The following VIRMA variants were observed in gnomAD, a reference collection of about 807,000 sequenced individuals.
VIRMA encodes protein virilizer homolog.
Under a neutral mutation model 182.4 loss-of-function variants are expected in VIRMA, and 65 were observed. The ratio of observed to expected loss-of-function variants is 0.36; its 90% CI spans 0.29 to 0.44. The LOEUF (loss-of-function observed/expected upper bound fraction) is 0.44, where lower values mean the gene tolerates loss of function less well. VIRMA is among the 20% of genes least tolerant of loss of function. The pLI, the probability that VIRMA is intolerant of heterozygous loss-of-function variation, is 1.00. For synonymous variants in VIRMA, 709 were observed against 743.1 expected, an observed-to-expected ratio of 0.95 and a Z score of 0.75; for missense variants, 1,752 against 2,158.1, an observed-to-expected ratio of 0.81 and a Z score of 3.73.
rs1814294613 is a variant in VIRMA, at chr8:94,509,694, A to T, written c.3873T>A (p.Cys1291Ter). 1 of 1,612,098 alleles carries T rather than the reference A, an allele frequency of 6.2e-7. No homozygotes were observed. Among genetic ancestry groups the T allele is most frequent in the Admixed American group, 1.7e-5 (1 of 59,552 alleles). Residue 1291 changes from cysteine to a stop codon, truncating the protein, a stop_gained, in exon 15 of 24, where the codon TGT (cysteine) becomes TGA (stop). Transcript: ENST00000297591. LOFTEE classifies it high-confidence loss of function. ...EYVTSILQSL[C>*]DQDIALILPS... Reference sequence around the variant, plus strand: ...ATAAAATAACTATAAATACCTGATCACAGAGAGACTGCAAAATGGATGTGA... The same window carrying T: ...ATAAAATAACTATAAATACCTGATCTCAGAGAGACTGCAAAATGGATGTGA...
At chr8:94,539,332 A>G (rs1269176143) in intron 2 of VIRMA, among the ~76,000 whole-genome samples, 1 of 152,208 alleles carries the variant, frequency 6.6e-6, no homozygotes, top group Non-Finnish European at 1.5e-5. Context: ...AAGCCAATTG[A>G]TATTTGTACA....
At chr8:94,502,560 G>A (rs1040926044) in intron 16 of VIRMA, among the ~76,000 whole-genome samples, 2 of 151,972 alleles carry the variant, frequency 1.3e-5, no homozygotes, top group African/African-American at 2.4e-5. Flanking sequence ...GGACACATAC[G>A]TATATTTCCC....
intron 3 of VIRMA, among the ~76,000 whole-genome samples, 198 bp from the exon 4 acceptor site, chr8:94,537,349 T>C (rs1184505762): frequency 6.6e-6 from 1 of 152,312 alleles, no homozygotes; most frequent in East Asian, 1.9e-4. Context: ...TCTGGATTAA[T>C]TGCTTTGGGG....
At position 94,529,140 on chromosome 8, in the gene VIRMA, T is replaced by A. The variant is rs143262478; in HGVS notation, c.810A>T (p.Thr270=). ...EEDEDEDDRR[T]VDSIPEEEEE... is the part of the protein sequence containing the mutation. ...CTTCCTCCTCAGGAATACTGTCTACTGTTCGTCGATCATCCTCATCCTCAT... is the reference window on the plus strand; with the variant it reads ...CTTCCTCCTCAGGAATACTGTCTACAGTTCGTCGATCATCCTCATCCTCAT... The change falls in exon 7 of 24, where the codon ACA becomes ACT. Residue 270 remains threonine, a synonymous_variant. Coordinates refer to ENST00000297591, the MANE Select transcript of VIRMA (RefSeq NM_015496.5). 3.7e-5 allele frequency: 53 copies of A among 1,451,482 alleles called. No homozygotes were observed. In the African/African-American group the frequency reaches 7.3e-4, roughly 20 times the overall value. The allele number at this position is 1,451,482 out of a possible 1,614,324, so 89.9% of individuals were successfully genotyped here. A position where few individuals can be genotyped will look rare whatever the true frequency, so the allele number is the denominator to read the frequency against.
intron 8 of VIRMA, among the ~76,000 whole-genome samples, chr8:94,525,141 G>C (rs1814912192): frequency 6.6e-6 from 1 of 152,198 alleles, no homozygotes; most frequent in Admixed American, 6.5e-5. Flanking sequence ...AGGGTGCTCG[G>C]ACCACAAGCA....
In VIRMA at chr8:94,529,101, CTCTTCA is replaced by C. The variant is rs1376024542; in HGVS notation, c.843_848del (p.Asp281_Glu282del). On this transcript the variant is annotated inframe_deletion, in exon 7 of 24. Coordinates refer to ENST00000297591, the MANE Select transcript of VIRMA (RefSeq NM_015496.5). ...CTTCTTCATCCTCTTCACCTTCTTC[CTCTTCA>C]TCTTCCTCTTCCTCCTCAGGAATAC... 4 of 1,567,784 alleles carry C rather than the reference CTCTTCA, an allele frequency of 2.6e-6. No individual in the cohort carries two copies. In the African/African-American group the frequency reaches 5.4e-5, roughly 21 times the overall value.
chr8:94,542,354 G>A (rs766446982), intron 2 of VIRMA, among the ~76,000 whole-genome samples: 3 of 152,118 alleles, frequency 2.0e-5, no homozygotes, highest in Non-Finnish European at 2.9e-5. Flanking sequence ...GCAAAGAAGT[G>A]AAGCCTCCTG....
chr8:94,544,359 A>G (rs1355201829), intron 1 of VIRMA, among the ~76,000 whole-genome samples: 1 of 152,140 alleles, frequency 6.6e-6, no homozygotes, highest in Non-Finnish European at 1.5e-5. Flanking sequence ...CTGCAGCCAC[A>G]CGTATCAACA....
rs1483987242 is a variant in VIRMA at position 94,546,472 on chromosome 8, T to C, written c.64-2530A>G. On this transcript the variant is annotated intron_variant, in intron 1 of 23. Transcript: ENST00000297591. ...TTAAAGCTCTCCTCCATTCCGGCTGTCACTCCTTTAGTTCCATATACTACA... is the reference window on the plus strand; with the variant it reads ...TTAAAGCTCTCCTCCATTCCGGCTGCCACTCCTTTAGTTCCATATACTACA... 2.0e-5 allele frequency among the ~76,000 whole-genome samples: 3 copies of C among 151,248 alleles called. 1 individual carries two copies. The highest frequency in any genetic ancestry group is 6.6e-5 in the Admixed American group (1 of 15,254).
intron 8 of VIRMA, among the ~76,000 whole-genome samples, chr8:94,524,653 C>T (rs1049380753): frequency 2.6e-5 from 4 of 152,172 alleles, no homozygotes; most frequent in African/African-American, 9.7e-5. Flanking sequence ...GTTGGCCAGG[C>T]TGGTCTCAAA....
chr8:94,513,927 G>T (rs1465265032), intron 11 of VIRMA, among the ~76,000 whole-genome samples: 1 of 152,178 alleles, frequency 6.6e-6, no homozygotes, highest in East Asian at 1.9e-4. Flanking sequence ...AGTACAAGAA[G>T]ACAAAGGCAG....
chr8:94,505,410 T>A (rs1301126082), intron 16 of VIRMA, among the ~76,000 whole-genome samples: 1 of 152,106 alleles, frequency 6.6e-6, no homozygotes, highest in Admixed American at 6.6e-5. Flanking sequence ...CATCAGGGCA[T>A]CGGCAGAAAA....
At chr8:94,515,873 GGATCACGA>G (rs796476610) in intron 10 of VIRMA, among the ~76,000 whole-genome samples, 32 of 151,908 alleles carry the variant, frequency 2.1e-4, no homozygotes, top group African/African-American at 7.0e-4. Flanking sequence ...TGAGGCGGGT[GGATCACGA>G]GATCGACAGA....
At chr8:94,527,506 C>T (rs557039286) in intron 7 of VIRMA, 143 bp from the exon 8 acceptor site, 69 of 545,978 alleles carry the variant, frequency 1.3e-4, no homozygotes, top group Admixed American at 7.3e-5. Flanking sequence ...ATCTTACCCA[C>T]AATTTTACAA....
At chr8:94,529,512 T>C (rs1421256567) in intron 6 of VIRMA, among the ~76,000 whole-genome samples, 170 bp from the exon 7 acceptor site, 3 of 152,208 alleles carry the variant, frequency 2.0e-5, no homozygotes, top group African/African-American at 7.2e-5. Flanking sequence ...ACTGTACAAC[T>C]TCTACAGTGA....
At chr8:94,528,875 A>G (rs1194068463) in intron 7 of VIRMA, among the ~76,000 whole-genome samples, 195 bp downstream of exon 7, 1 of 152,244 alleles carries the variant, frequency 6.6e-6, no homozygotes, top group Non-Finnish European at 1.5e-5. Flanking sequence ...TAAACAGGGG[A>G]GATTAAAGTA....
intron 20 of VIRMA, 134 bp from the exon 21 acceptor site, chr8:94,492,952 T>G: frequency 1.3e-6 from 1 of 755,424 alleles, no homozygotes; most frequent in South Asian, 2.2e-5. Context: ...ACCTCTTTCA[T>G]CTTTTCAAAA....
At chr8:94,492,509 C>T (rs1014315844) in intron 21 of VIRMA, 143 bp downstream of exon 21, 4 of 543,242 alleles carry the variant, frequency 7.4e-6, no homozygotes, top group Middle Eastern at 5.0e-4. Flanking sequence ...AGAATGGTCT[C>T]GATCTCCTGA....
intron 8 of VIRMA, among the ~76,000 whole-genome samples, chr8:94,519,827 T>C (rs1311436058): frequency 6.6e-6 from 1 of 152,220 alleles, no homozygotes; most frequent in Non-Finnish European, 1.5e-5. Context: ...TTTAAATTCA[T>C]GTATCTAGGA....
Sources: allele counts gnomAD v4.1 joint callset (sites outside exome capture counted in the v4.1 genomes callset), GRCh38; gene constraint gnomAD v4.1.1; transcripts MANE v1.5; gene names NCBI Gene and HGNC (gene_info 2026-07-23, HGNC 2026-07-21).